The following VPS53 variants were observed in gnomAD, a reference collection of about 807,000 sequenced individuals.
VPS53 encodes the protein vacuolar protein sorting-associated protein 53 homolog.
Under a neutral mutation model 107.0 loss-of-function variants are expected in VPS53, and 70 were observed. That is an observed-to-expected ratio of 0.65 (90% CI 0.54 to 0.80). The LOEUF is 0.80. VPS53 is among the 30% of genes least tolerant of loss of function. VPS53 has a pLI of 0.00. For synonymous variants in VPS53, 409 were observed against 393.3 expected (o/e 1.04, Z -0.47); for missense variants, 917 against 1,049.4 (o/e 0.87, Z 1.74).
At position 537,375 on chromosome 17, in the gene VPS53, C is replaced by T. The variant is rs976648291; in HGVS notation, c.1867-199G>A. On this transcript the variant is annotated intron_variant, in intron 17 of 21. Transcript: ENST00000437048. ...CAAATGCGAGTGTGCCCAGCGGACC[C>T]GACAGTGAGGTGTGACCCAGACCCT... is the stretch of plus-strand genomic sequence containing the variant. 3.3e-5 allele frequency: 20 copies of T among 604,154 alleles called. 1 individual carries two copies. Among genetic ancestry groups the T allele is most frequent in the Non-Finnish European group, 5.4e-5 (19 of 351,570 alleles). 37.4% of individuals were successfully genotyped at this position (604,154 alleles called of 1,614,324 possible).
chr17:703,986 G>GT (rs954948941), intron 2 of VPS53, among the ~76,000 whole-genome samples: 13 of 151,004 alleles, frequency 8.6e-5, no homozygotes, highest in South Asian at 4.2e-4. Flanking sequence ...TGGATCTTGG[G>GT]TTTTTTTTTC....
At chr17:669,148 T>C (rs1478564283) in intron 4 of VPS53, among the ~76,000 whole-genome samples, 3 of 152,196 alleles carry the variant, frequency 2.0e-5, no homozygotes, top group Non-Finnish European at 4.4e-5. Context: ...ATGAGTCATA[T>C]AGAAAGATTG....
chr17:701,446 C>A (rs140915796), intron 2 of VPS53, among the ~76,000 whole-genome samples: 9 of 150,982 alleles, frequency 6.0e-5, no homozygotes, highest in African/African-American at 1.9e-4. Context: ...GGCGCGATCT[C>A]GGCTCACTGC....
intron 6 of VPS53, 22 bp downstream of exon 6, chr17:655,816 A>G (rs754757265): frequency 1.8e-5 from 28 of 1,599,972 alleles, no homozygotes; most frequent in Non-Finnish European, 2.3e-5. Context: ...TGGCCCCAAA[A>G]GAGAAAGTTG....
chr17:714,295 A>G, intron 1 of VPS53: 1 of 328,250 alleles, frequency 3.0e-6, no homozygotes, highest in Non-Finnish European at 5.6e-6. Flanking sequence ...TGGTAAATGC[A>G]TGAAGCCCCC....
In VPS53 at chr17:563,514, G is replaced by A. The variant is rs529298558; in HGVS notation, c.1314-769C>T. 7.9e-5 allele frequency among the ~76,000 whole-genome samples: 12 copies of A among 152,158 alleles called. No homozygotes were observed. In the East Asian group the frequency reaches 1.4e-3, roughly 17 times the overall value. On this transcript the variant is annotated intron_variant, in intron 13 of 21. Transcript: ENST00000437048. ...TCACCATGTTGCCCAGGCTGGTCTCGACATCCTGACCTCAGGTGATCCACC... is the reference window on the plus strand; with the variant it reads ...TCACCATGTTGCCCAGGCTGGTCTCAACATCCTGACCTCAGGTGATCCACC...
In VPS53 at chr17:555,871, G is replaced by A. The variant is rs559719087; in HGVS notation, c.1705-2409C>T. Among the ~76,000 whole-genome samples, 31 of 152,310 alleles carry A rather than the reference G, an allele frequency of 2.0e-4. No homozygotes were observed. In the South Asian group the frequency reaches 6.0e-3, roughly 30 times the overall value. On this transcript the variant is annotated intron_variant, in intron 15 of 21. Transcript: ENST00000437048. The stretch of plus-strand genomic sequence containing the variant: ...GTAAAATGTCCATTAATACTCGTGG[G>A]TGCAATCAGGAAAATCCAAAACTTG...
chr17:694,372 G>A (rs761707673), intron 4 of VPS53, among the ~76,000 whole-genome samples: 3 of 152,124 alleles, frequency 2.0e-5, no homozygotes, highest in Admixed American at 6.5e-5. Context: ...CTGTAATACC[G>A]CTAGTTTGCA....
chr17:519,060 A>ATCTC lies in VPS53; in HGVS notation c.*67_*68insGAGA. 5 of 1,428,976 alleles carry ATCTC rather than the reference A, an allele frequency of 3.5e-6. No individual in the cohort carries two copies. In the Admixed American group the frequency reaches 8.9e-5, roughly 25 times the overall value. The allele number at this position is 1,428,976 out of a possible 1,614,324, so 88.5% of individuals were successfully genotyped here. The stretch of plus-strand genomic sequence containing the variant: ...GTGAGAGTGCCGGGGAGCACAGGAG[A>ATCTC]GGTTGGGGGCTTCTGGGGAACGGGC... On this transcript the variant is annotated 3_prime_UTR_variant, in exon 22 of 22. Coordinates refer to ENST00000437048, the MANE Select transcript of VPS53 (RefSeq NM_001128159.3). The surrounding 1 kb of genome is among the most constrained non-coding windows in gnomAD (Gnocchi z 5.0).
At chr17:607,424 G>C (rs1968637343) in intron 11 of VPS53, among the ~76,000 whole-genome samples, 1 of 152,178 alleles carries the variant, frequency 6.6e-6, no homozygotes, top group Non-Finnish European at 1.5e-5. Context: ...CTAAGGTGTG[G>C]ATATGCATTC....
Position 512,546 on chromosome 17 carries a change from CAA to C in VPS53, c.*6580_*6581del, listed in dbSNP as rs965108969. The C allele has an allele frequency of 2.6e-5, 4 of 152,222 alleles. No homozygotes were observed. The highest frequency in any genetic ancestry group is 5.9e-5 in the Non-Finnish European group (4 of 68,042). 9.4% of individuals were successfully genotyped at this position (152,222 alleles called of 1,614,324 possible). On this transcript the variant is annotated 3_prime_UTR_variant, in exon 22 of 22. Transcript: ENST00000437048. ...AGGTGAGAAGGAAGGAGCTGGCAGG[CAA>C]TGCCCTTCCAGGTGGGCTACAGGGA...
chr17:513,457 C>T lies in VPS53; in HGVS notation c.*5671G>A, dbSNP rs1000202721. Reference sequence around the variant, plus strand: ...ATATATAAAATGTCATCGTACCCTTCATGTAGGCCAGCATTTCAGGTGTCC... The same window carrying T: ...ATATATAAAATGTCATCGTACCCTTTATGTAGGCCAGCATTTCAGGTGTCC... On this transcript the variant is annotated 3_prime_UTR_variant, in exon 22 of 22. Transcript: ENST00000437048. The T allele has an allele frequency of 1.3e-5, 2 of 152,196 alleles. No individual in the cohort carries two copies. The highest frequency in any genetic ancestry group is 2.9e-5 in the Non-Finnish European group (2 of 68,030). 9.4% of individuals were successfully genotyped at this position (152,196 alleles called of 1,614,324 possible). A position where few individuals can be genotyped will look rare whatever the true frequency, so the allele number is the denominator to read the frequency against.
intron 11 of VPS53, among the ~76,000 whole-genome samples, chr17:614,445 G>T (rs907020512): frequency 6.6e-6 from 1 of 152,032 alleles, no homozygotes; most frequent in Non-Finnish European, 1.5e-5. Flanking sequence ...TTTCTATCCT[G>T]ACCCTGTATT....
intron 4 of VPS53, among the ~76,000 whole-genome samples, chr17:694,070 T>C (rs7207203): frequency 0.061 from 9,193 of 151,656 alleles, 566 homozygotes; most frequent in East Asian, 0.31. Context: ...ACCCAAGAGC[T>C]CCTTGGAAAA....
chr17:606,967 C>T (rs1000049054), intron 11 of VPS53, among the ~76,000 whole-genome samples: 2 of 150,996 alleles, frequency 1.3e-5, no homozygotes, highest in Non-Finnish European at 2.9e-5. Context: ...AGCAGGCACA[C>T]TCTATGAGGT....
chr17:610,940 G>GAAA (rs200694690), intron 11 of VPS53, among the ~76,000 whole-genome samples: 1 of 97,390 alleles, frequency 1.0e-5, no homozygotes, highest in Non-Finnish European at 2.2e-5. Flanking sequence ...TCTGTCTCAA[G>GAAA]AAAAAAAAAA....
At chr17:689,245 A>C (rs1972694802) in intron 4 of VPS53, among the ~76,000 whole-genome samples, 1 of 152,166 alleles carries the variant, frequency 6.6e-6, no homozygotes, top group Non-Finnish European at 1.5e-5. Context: ...GACAATGACA[A>C]ATTCAAAATC....
chr17:697,327 G>T, intron 4 of VPS53, 91 bp downstream of exon 4: 1 of 1,063,122 alleles, frequency 9.4e-7, no homozygotes, highest in Non-Finnish European at 1.5e-6. Context: ...ATCGGAAAGT[G>T]CTCTGCAAGA....
intron 11 of VPS53, among the ~76,000 whole-genome samples, chr17:622,515 C>T (rs927986979): frequency 3.9e-5 from 6 of 152,162 alleles, no homozygotes; most frequent in Non-Finnish European, 8.8e-5. Context: ...TCTGTGTACA[C>T]TCTGCACGAC....
Sources: gnomAD v4.1 joint callset for allele counts (sites outside exome capture counted in the v4.1 genomes callset) on GRCh38, gnomAD v4.1.1 for gene constraint, Gnocchi (gnomAD v3.1) non-coding constraint, MANE v1.5 for transcripts, NCBI Gene and HGNC (gene_info 2026-07-23, HGNC 2026-07-21) for gene names.